The following NUP214 variants were observed in gnomAD, a reference collection of about 807,000 sequenced individuals.
The protein encoded by NUP214 is nuclear pore complex protein Nup214.
In NUP214, 79 loss-of-function variants were observed where a neutral mutation model predicts 196.2. The ratio of observed to expected loss-of-function variants is 0.40; its 90% CI spans 0.34 to 0.49. The LOEUF is 0.49. Among genes scored for constraint, NUP214 ranks in the 20% least tolerant of loss-of-function variants. The pLI is 0.58. For missense variants in NUP214, 2,468 were observed against 2,539.0 expected (o/e 0.97, Z 0.60); for synonymous variants, 1,020 against 990.5 (o/e 1.03, Z -0.56).
chr9:131,209,970 G>A (rs1392620603), intron 30 of NUP214, among the ~76,000 whole-genome samples: 2 of 152,214 alleles, frequency 1.3e-5, no homozygotes, highest in Non-Finnish European at 2.9e-5. Flanking sequence ...AGTGGAGACT[G>A]TTGGGCTAAC....
intron 17 of NUP214, among the ~76,000 whole-genome samples, chr9:131,154,187 A>G (rs951744053): frequency 1.3e-5 from 2 of 152,166 alleles, no homozygotes; most frequent in African/African-American, 4.8e-5. Context: ...TCTTTTTCAG[A>G]TAGGACATAG....
In NUP214 at chr9:131,215,353, T is replaced by C. The variant is rs1265792895; in HGVS notation, c.5734T>C (p.Ser1912Pro). 6.3e-7 allele frequency: 1 copy of C among 1,598,664 alleles called. No individual in the cohort carries two copies. Among genetic ancestry groups the C allele is most frequent in the East Asian group, 2.3e-5 (1 of 43,234 alleles). ...PFSSASGGFG[S>P]TATSNTSNLF... is the part of the protein sequence containing the mutation. ...CAGCTCGGCCAGTGGGGGCTTTGGA[T>C]CCACAGCTACCTCAAGTAAGTTGAG... Residue 1912 changes from serine (S) to proline (P), a missense_variant, in exon 31 of 36, where the codon TCC becomes CCC. Physicochemically the swap from Ser to Pro is moderately conservative, Grantham distance 74. This residue lies in a region of NUP214 where 262 missense variants were observed against 296.5 expected (regional missense o/e 0.88). Coordinates refer to ENST00000359428, the MANE Select transcript of NUP214 (RefSeq NM_005085.4).
Position 131,197,578 on chromosome 9 carries a change from C to G in NUP214, c.4084C>G (p.Pro1362Ala), listed in dbSNP as rs925993913. 6.2e-7 allele frequency: 1 copy of G among 1,614,196 alleles called. No individual in the cohort carries two copies. Among genetic ancestry groups the G allele is most frequent in the African/African-American group, 1.3e-5 (1 of 75,024 alleles). The part of the protein sequence containing the change: ...ASSTSLTSTQ[P>A]TKTSGVPSGF... ...ATCCACAAGCCTAACTAGTACCCAG[C>G]CAACCAAGACGTCAGGCGTGCCCTC... The change falls in exon 29 of 36, where the codon CCA (proline) becomes GCA (alanine). Residue 1362 changes from proline (P) to alanine (A), a missense_variant. By Grantham distance (27) the Pro-to-Ala change is conservative. Coordinates refer to ENST00000359428, the MANE Select transcript of NUP214 (RefSeq NM_005085.4).
intron 32 of NUP214, among the ~76,000 whole-genome samples, chr9:131,227,172 G>A (rs748181944): frequency 1.3e-5 from 2 of 152,216 alleles, no homozygotes; most frequent in Non-Finnish European, 2.9e-5. Context: ...TTGGGAACCC[G>A]CATCAGGAAT....
intron 29 of NUP214, among the ~76,000 whole-genome samples, chr9:131,199,751 C>G (rs577160393): frequency 4.1e-4 from 63 of 152,228 alleles, no homozygotes; most frequent in African/African-American, 1.5e-3. Flanking sequence ...GCAATAGACT[C>G]TAGGAGAAAA....
chr9:131,129,510 C>T, intron 4 of NUP214, 33 bp downstream of exon 4: 2 of 1,574,994 alleles, frequency 1.3e-6, no homozygotes, highest in Non-Finnish European at 1.7e-6. Context: ...CTGTAGCATA[C>T]AATCATGGTC....
intron 16 of NUP214, among the ~76,000 whole-genome samples, chr9:131,151,321 GAGGCTT>G (rs972793778): frequency 5.3e-5 from 8 of 152,182 alleles, no homozygotes; most frequent in African/African-American, 1.9e-4. Context: ...TCAGGAAACT[GAGGCTT>G]AGGCAAATTT....
chr9:131,225,925 G>T (rs1423720407), intron 32 of NUP214, among the ~76,000 whole-genome samples: 1 of 152,188 alleles, frequency 6.6e-6, no homozygotes, highest in Non-Finnish European at 1.5e-5. Flanking sequence ...AGGTGGGATG[G>T]ACTGAAGATG....
chr9:131,174,243 C>G lies in NUP214; in HGVS notation c.3082C>G (p.Leu1028Val). ...TCGCACTCCTTCCATCCAGCCCAGT[C>G]TCTTGCCCCATGCAGCACCTTTTGC... Reference protein sequence around the residue: ...VVRTPSIQPSLLPHAAPFAKS... With the variant: ...VVRTPSIQPSVLPHAAPFAKS... The change falls in exon 22 of 36, where the codon CTC (leucine) becomes GTC (valine). Residue 1028 changes from leucine (L) to valine (V), a missense_variant. By Grantham distance (32) the Leu-to-Val change is conservative (BLOSUM62 1). Transcript: ENST00000359428. The G allele has an allele frequency of 1.2e-6, 2 of 1,614,022 alleles. No homozygotes were observed. Among genetic ancestry groups the G allele is most frequent in the South Asian group, 1.1e-5 (1 of 91,064 alleles).
intron 32 of NUP214, among the ~76,000 whole-genome samples, chr9:131,226,044 C>T (rs1004216010): frequency 3.2e-4 from 49 of 152,014 alleles, no homozygotes; most frequent in South Asian, 6.2e-4. Context: ...GAGAGGTGGG[C>T]GTTTGAGTCG....
At chr9:131,137,279 C>T (rs564180204) in intron 9 of NUP214, among the ~76,000 whole-genome samples, 1 of 152,182 alleles carries the variant, frequency 6.6e-6, no homozygotes, top group South Asian at 2.1e-4. Context: ...TCACCCCTGC[C>T]CTACCTGTTT....
chr9:131,131,381 A>G (rs1478504175), intron 5 of NUP214, among the ~76,000 whole-genome samples: 2 of 152,212 alleles, frequency 1.3e-5, no homozygotes, highest in Non-Finnish European at 2.9e-5. Context: ...AATATCCTTC[A>G]ATATCAATTG....
At chr9:131,212,518 C>A (rs1431112137) in intron 30 of NUP214, among the ~76,000 whole-genome samples, 2 of 152,138 alleles carry the variant, frequency 1.3e-5, no homozygotes, top group African/African-American at 4.8e-5. Context: ...CTTTTGTGTT[C>A]TTTCCCTTTA....
At position 131,164,041 on chromosome 9, in the gene NUP214, G is replaced by C; in HGVS notation, c.2810-20G>C. ...AAAAACTGAGTCTTAATCATTTATG[G>C]GTTTATGGATTTCTTGCAGCCAAAC... is the stretch of plus-strand genomic sequence containing the variant. On this transcript the variant is annotated intron_variant, in intron 20 of 35. Coordinates refer to ENST00000359428, the MANE Select transcript of NUP214 (RefSeq NM_005085.4). 1.2e-6 allele frequency: 2 copies of C among 1,613,926 alleles called. No individual in the cohort carries two copies. The highest frequency in any genetic ancestry group is 1.7e-6 in the Non-Finnish European group (2 of 1,179,904).
At chr9:131,185,213 A>G (rs1833420567) in intron 24 of NUP214, among the ~76,000 whole-genome samples, 1 of 152,138 alleles carries the variant, frequency 6.6e-6, no homozygotes, top group Admixed American at 6.5e-5. Context: ...TGTAGAGTAC[A>G]CATCCATGGA....
At chr9:131,156,558 T>G (rs941612321) in intron 17 of NUP214, among the ~76,000 whole-genome samples, 9 of 143,106 alleles carry the variant, frequency 6.3e-5, no homozygotes, top group South Asian at 2.2e-4. Flanking sequence ...TATTCCTAAG[T>G]TTTTTTTTTT....
intron 30 of NUP214, among the ~76,000 whole-genome samples, chr9:131,208,636 G>T (rs373487552): frequency 5.9e-5 from 9 of 152,230 alleles, no homozygotes; most frequent in African/African-American, 2.2e-4. Context: ...GGCAGAGCTT[G>T]CAGTGAGCCG....
chr9:131,150,316 C>A lies in NUP214; in HGVS notation c.2041-8C>A. 1 of 1,613,724 alleles carries A rather than the reference C, an allele frequency of 6.2e-7. No individual in the cohort carries two copies. ...TTGCAGTTTTTAAACCTTTTCCTTC[C>A]ATTTCAGGCAAAGTCACTTCAGCCT... On this transcript the variant is annotated splice_polypyrimidine_tract_variant and splice_region_variant and intron_variant, in intron 14 of 35. Transcript: ENST00000359428.
At chr9:131,144,877 C>T (rs1832042012) in intron 12 of NUP214, 123 bp downstream of exon 12, 1 of 743,610 alleles carries the variant, frequency 1.3e-6, no homozygotes, top group South Asian at 2.0e-5. Flanking sequence ...CAGAGTGATA[C>T]TTGCAAATGG....
Sources: allele counts gnomAD v4.1 joint callset (sites outside exome capture counted in the v4.1 genomes callset), GRCh38; gene constraint gnomAD v4.1.1; regional missense constraint gnomAD v4.1.1; transcripts MANE v1.5; gene names NCBI Gene and HGNC (gene_info 2026-07-23, HGNC 2026-07-21).